Variants in PTPRT observed in about 807,000 individuals in gnomAD.
PTPRT encodes the protein receptor-type tyrosine-protein phosphatase T.
A neutral mutation model predicts 176.8 loss-of-function variants in PTPRT; 56 were observed. The ratio of observed to expected loss-of-function variants is 0.32; its 90% CI spans 0.26 to 0.40. The LOEUF (loss-of-function observed/expected upper bound fraction) is 0.40. Ranked by LOEUF, PTPRT falls within the 10% of genes least tolerant of loss-of-function variation. The pLI is 1.00. For missense variants in PTPRT, 1,540 were observed against 1,908.2 expected (o/e 0.81, Z 3.60); for synonymous variants, 783 against 739.0 (o/e 1.06, Z -0.96).
At chr20:42,597,469 T>C (rs2073691752) in intron 7 of PTPRT, among the ~76,000 whole-genome samples, 1 of 151,990 alleles carries the variant, frequency 6.6e-6, no homozygotes, top group South Asian at 2.1e-4. Flanking sequence ...CAGTGGGAGG[T>C]GACTGGATCA....
intron 12 of PTPRT, among the ~76,000 whole-genome samples, chr20:42,292,098 T>G (rs1288916401): frequency 6.6e-6 from 1 of 152,072 alleles, no homozygotes; most frequent in Admixed American, 6.6e-5. Context: ...TGTTTGACTC[T>G]AGAGCTCCCT....
At chr20:42,581,840 T>C (rs148731656) in intron 7 of PTPRT, among the ~76,000 whole-genome samples, 1 of 152,190 alleles carries the variant, frequency 6.6e-6, no homozygotes, top group Non-Finnish European at 1.5e-5. Flanking sequence ...TGCTGCAAGA[T>C]GCAGTGGAAT....
chr20:42,877,903 G>A (rs2078960692), intron 2 of PTPRT, among the ~76,000 whole-genome samples: 1 of 152,148 alleles, frequency 6.6e-6, no homozygotes, highest in Admixed American at 6.5e-5. Flanking sequence ...GCAATCAGGG[G>A]ACCATCGACA....
chr20:43,106,050 G>A (rs557104517), intron 1 of PTPRT, among the ~76,000 whole-genome samples: 1 of 152,200 alleles, frequency 6.6e-6, no homozygotes, highest in Non-Finnish European at 1.5e-5. Context: ...GACAGACTGT[G>A]CCTGGACAAG....
intron 9 of PTPRT, among the ~76,000 whole-genome samples, chr20:42,403,949 G>C (rs751666627): frequency 3.3e-5 from 5 of 152,076 alleles, no homozygotes; most frequent in African/African-American, 4.8e-5. Flanking sequence ...GGCCCTCTGG[G>C]ATTTTGACCC....
chr20:43,146,558 CA>C (rs11324602), intron 1 of PTPRT, among the ~76,000 whole-genome samples: 71,494 of 143,934 alleles, frequency 0.5, 19,089 homozygotes, highest in East Asian at 0.78. Context: ...ACTTCTGAAC[CA>C]AAAAAAAAAA....
At chr20:42,583,273 A>G (rs17747544) in intron 7 of PTPRT, among the ~76,000 whole-genome samples, 100,511 of 152,040 alleles carry the variant, frequency 0.66, 34,857 homozygotes, top group African/African-American at 0.87. Context: ...ACTTGGTAGG[A>G]GAACTGACAA....
chr20:42,221,042 C>T (rs1182924124), intron 15 of PTPRT, among the ~76,000 whole-genome samples: 1 of 152,122 alleles, frequency 6.6e-6, no homozygotes, highest in Non-Finnish European at 1.5e-5. Context: ...CTCTGTCTCC[C>T]AGGCTATGAG....
intron 7 of PTPRT, among the ~76,000 whole-genome samples, chr20:42,667,982 T>C (rs1410652678): frequency 6.6e-6 from 1 of 152,116 alleles, no homozygotes; most frequent in Non-Finnish European, 1.5e-5. Flanking sequence ...AATCTCCTAT[T>C]GGGATAGAAT....
At chr20:42,036,682 T>G in the PTPRT span, among the ~76,000 whole-genome samples, 1 of 152,006 alleles carries the variant, frequency 6.6e-6, no homozygotes, top group African/African-American at 2.4e-5. Flanking sequence ...AGTAAAAATT[T>G]AAAGGGAAGA....
intron 7 of PTPRT, among the ~76,000 whole-genome samples, chr20:42,558,177 T>G (rs2072892565): frequency 6.6e-6 from 1 of 152,100 alleles, no homozygotes; most frequent in Non-Finnish European, 1.5e-5. Context: ...TGTGTGTTGT[T>G]CCCCTCTATG....
chr20:42,206,510 A>G (rs1404523686), intron 15 of PTPRT, among the ~76,000 whole-genome samples: 1 of 152,182 alleles, frequency 6.6e-6, no homozygotes, highest in East Asian at 1.9e-4. Flanking sequence ...CGAGTCAAAG[A>G]AAGGGGTGAC....
intron 2 of PTPRT, among the ~76,000 whole-genome samples, chr20:42,840,491 C>T (rs889331823): frequency 2.6e-5 from 4 of 152,168 alleles, no homozygotes; most frequent in African/African-American, 9.7e-5. Flanking sequence ...TGGCTCACTG[C>T]AACCTCCGCC....
rs147365121 is a variant in PTPRT at position 42,728,718 on chromosome 20, G to A, written c.859+27744C>T. ...AACTGAGCGAAGGGACAATGACCAC[G>A]GGCCCATGCGCTAACAATGACCATT... On this transcript the variant is annotated intron_variant, in intron 6 of 30. Transcript: ENST00000373187. Among the ~76,000 whole-genome samples, 26 of 152,192 alleles carry A rather than the reference G, an allele frequency of 1.7e-4. 2 individuals carry two copies. The East Asian group carries it at 4.4e-3, about 26-fold the overall frequency.
chr20:42,530,314 A>G (rs1423526456), intron 7 of PTPRT, among the ~76,000 whole-genome samples: 1 of 152,208 alleles, frequency 6.6e-6, no homozygotes, highest in Non-Finnish European at 1.5e-5. Flanking sequence ...TAAGTCACCC[A>G]GCGATTCATT....
chr20:42,707,129 G>C (rs2076072093), intron 6 of PTPRT, among the ~76,000 whole-genome samples: 2 of 152,200 alleles, frequency 1.3e-5, no homozygotes, highest in Non-Finnish European at 2.9e-5. Context: ...CAGACTCTTA[G>C]CCTCCAGAAC....
Position 43,171,393 on chromosome 20 carries a change from C to T in PTPRT, c.88+18253G>A, listed in dbSNP as rs541885579. On this transcript the variant is annotated intron_variant, in intron 1 of 30. Transcript: ENST00000373187. The stretch of plus-strand genomic sequence containing the variant: ...GATCAGCAGGGAAAAGAACAAAATA[C>T]GGATGATTATGGAGCACAAATTCCA... Among the ~76,000 whole-genome samples, 7 of 152,080 alleles carry T rather than the reference C, an allele frequency of 4.6e-5. No homozygotes were observed. In the East Asian group the frequency reaches 1.2e-3, roughly 25 times the overall value.
intron 7 of PTPRT, among the ~76,000 whole-genome samples, chr20:42,657,237 CAATTAA>C (rs1313259863): frequency 2.6e-5 from 4 of 152,138 alleles, no homozygotes; most frequent in African/African-American, 4.8e-5. Context: ...AACAGGGAGT[CAATTAA>C]ACCTCTTTCC....
intron 27 of PTPRT, among the ~76,000 whole-genome samples, chr20:42,090,952 C>T (rs1261351697): frequency 6.6e-6 from 1 of 152,228 alleles, no homozygotes; most frequent in Non-Finnish European, 1.5e-5. Context: ...GTACTCTCTC[C>T]TACCCTTTCT....
Sources: gnomAD v4.1 joint callset for allele counts (sites outside exome capture counted in the v4.1 genomes callset) on GRCh38, gnomAD v4.1.1 for gene constraint, MANE v1.5 for transcripts, NCBI Gene and HGNC (gene_info 2026-07-23, HGNC 2026-07-21) for gene names.